The following CKAP5 variants were observed in gnomAD, a reference collection of about 807,000 sequenced individuals.
The protein encoded by CKAP5 is cytoskeleton-associated protein 5.
CKAP5 carries 27 observed loss-of-function variants against 232.8 expected under a neutral mutation model. The observed-to-expected ratio is 0.12, with a 90% confidence interval of 0.09 to 0.16. CKAP5 has a LOEUF of 0.16. Among genes scored for constraint, CKAP5 ranks in the 10% least tolerant of loss-of-function variants. The pLI is 1.00. For missense variants in CKAP5, 1,838 were observed against 2,424.7 expected, an observed-to-expected ratio of 0.76 and a Z score of 5.08; for synonymous variants, 785 against 841.1, an observed-to-expected ratio of 0.93 and a Z score of 1.16.
chr11:46,752,193 T>TATATATATATAC (rs1408030107), intron 38 of CKAP5, among the ~76,000 whole-genome samples: 25 of 66,548 alleles, frequency 3.8e-4, no homozygotes, highest in African/African-American at 1.1e-3. Context: ...TATATATATA[T>TATATATATATAC]ACACACACAC....
Position 46,790,470 on chromosome 11 carries a change from C to G in CKAP5, c.1764G>C (p.Ser588=). ...TCAGGCTCAGTGTGTTAATACTGAC[C>G]GAGAGCTCAGGCTCCACTATTTCTT... The part of the protein sequence containing the change: ...ETKEIVEPEL[S]IEVCEEKASA... The change falls in exon 14 of 44, where the codon TCG becomes TCC. Residue 588 remains serine, a splice_region_variant and synonymous_variant. Coordinates refer to ENST00000529230, the MANE Select transcript of CKAP5 (RefSeq NM_001008938.4). 1 of 1,606,074 alleles carries G rather than the reference C, an allele frequency of 6.2e-7. No individual in the cohort carries two copies. The highest frequency in any genetic ancestry group is 8.5e-7 in the Non-Finnish European group (1 of 1,173,094).
rs1478876980 is a variant in CKAP5 at position 46,760,791 on chromosome 11, A to G, written c.4222-7T>C. 3.1e-6 allele frequency: 5 copies of G among 1,610,826 alleles called. No homozygotes were observed. The South Asian group carries it at 4.4e-5, about 14-fold the overall frequency. Reference sequence around the variant, plus strand: ...TCATATCCTTTTCAGAAAGCTGTAAAGAGGCCAAATTTAGAAACCTAACTG... The same window carrying G: ...TCATATCCTTTTCAGAAAGCTGTAAGGAGGCCAAATTTAGAAACCTAACTG... On this transcript the variant is annotated splice_region_variant and splice_polypyrimidine_tract_variant and intron_variant, in intron 32 of 43. Transcript: ENST00000529230.
At chr11:46,845,709 G>T (rs1347630159) in intron 1 of CKAP5, among the ~76,000 whole-genome samples, 1 of 152,216 alleles carries the variant, frequency 6.6e-6, no homozygotes. Flanking sequence ...GATCGGAATC[G>T]TTCACATCGC....
intron 8 of CKAP5, among the ~76,000 whole-genome samples, chr11:46,805,057 T>C (rs1939123579): frequency 6.7e-6 from 1 of 150,068 alleles, no homozygotes; most frequent in African/African-American, 2.5e-5. Flanking sequence ...TGAAACCCTG[T>C]CTCTACTAAA....
At chr11:46,834,674 A>C (rs1939876449) in intron 1 of CKAP5, among the ~76,000 whole-genome samples, 1 of 152,128 alleles carries the variant, frequency 6.6e-6, no homozygotes. Context: ...TTCACTATTA[A>C]AAAATTATAT....
intron 37 of CKAP5, 163 bp downstream of exon 37, chr11:46,753,147 A>G: frequency 1.9e-6 from 1 of 526,776 alleles, no homozygotes; most frequent in Non-Finnish European, 3.3e-6. Context: ...TAAAGTTTTA[A>G]CTGATATAGT....
intron 8 of CKAP5, among the ~76,000 whole-genome samples, chr11:46,805,463 T>A (rs746084198): frequency 6.6e-6 from 1 of 152,108 alleles, no homozygotes; most frequent in African/African-American, 2.4e-5. Context: ...AAAGAAGAGA[T>A]AATTATAAGG....
intron 8 of CKAP5, among the ~76,000 whole-genome samples, chr11:46,804,011 T>C (rs1426436637): frequency 6.6e-5 from 10 of 152,194 alleles, no homozygotes; most frequent in African/African-American, 2.4e-4. Flanking sequence ...GGATGAAATT[T>C]GGACATCAGT....
At chr11:46,757,063 C>A (rs2134582024) in intron 35 of CKAP5, among the ~76,000 whole-genome samples, 1 of 151,968 alleles carries the variant, frequency 6.6e-6, no homozygotes, top group Non-Finnish European at 1.5e-5. Context: ...CAGCGCCCAG[C>A]TTTGACCTTG....
intron 1 of CKAP5, among the ~76,000 whole-genome samples, chr11:46,834,555 T>A (rs1939873913): frequency 6.8e-6 from 1 of 147,788 alleles, no homozygotes. Flanking sequence ...GAAGCCTAAG[T>A]CGGGTTACAG....
At chr11:46,794,032 T>C (rs561193948) in intron 13 of CKAP5, among the ~76,000 whole-genome samples, 14 of 152,176 alleles carry the variant, frequency 9.2e-5, no homozygotes, top group Admixed American at 2.0e-4. Context: ...ATTCAACAAA[T>C]GGTGCTGGGA....
chr11:46,782,051 C>A (rs570627011), intron 18 of CKAP5, among the ~76,000 whole-genome samples: 17 of 152,246 alleles, frequency 1.1e-4, no homozygotes, highest in Admixed American at 9.2e-4. Flanking sequence ...TCTCGAACTC[C>A]TGACCTCAGG....
chr11:46,765,316 G>A (rs554471861), intron 27 of CKAP5, 60 bp from the exon 28 acceptor site: 4 of 1,454,812 alleles, frequency 2.7e-6, no homozygotes, highest in Non-Finnish European at 3.7e-6. Flanking sequence ...AGAATATGAT[G>A]CTGCTGCCCA....
Position 46,760,567 on chromosome 11 carries a change from A to G in CKAP5, c.4394+45T>C. On this transcript the variant is annotated intron_variant, in intron 33 of 43. Transcript: ENST00000529230. ...AGGACAGGCTGTGAGCACACAAGGC[A>G]AAGGCCATGGAGATGCTCTCAGACA... The G allele has an allele frequency of 3.1e-6, 5 of 1,591,696 alleles. No individual in the cohort carries two copies. The South Asian group carries it at 4.5e-5, about 14-fold the overall frequency.
intron 1 of CKAP5, among the ~76,000 whole-genome samples, chr11:46,837,842 GGA>G (rs1454821476): frequency 8.6e-5 from 13 of 152,028 alleles, no homozygotes; most frequent in African/African-American, 2.9e-4. Flanking sequence ...CTAATAAATG[GGA>G]AAGGAGAGAC....
chr11:46,749,742 T>G (rs1373880923), intron 42 of CKAP5, among the ~76,000 whole-genome samples: 1 of 151,498 alleles, frequency 6.6e-6, no homozygotes, highest in Non-Finnish European at 1.5e-5. Flanking sequence ...TCACCTGAGG[T>G]CAGGAGTTCC....
intron 1 of CKAP5, among the ~76,000 whole-genome samples, chr11:46,824,002 C>T (rs148485277): frequency 5.6e-4 from 85 of 152,200 alleles, no homozygotes; most frequent in African/African-American, 1.9e-3. Flanking sequence ...TTTTTAAACA[C>T]GCTAATTCAC....
chr11:46,825,396 C>G (rs1361153932), intron 1 of CKAP5, among the ~76,000 whole-genome samples: 1 of 152,166 alleles, frequency 6.6e-6, no homozygotes, highest in African/African-American at 2.4e-5. Context: ...GTCTGTCTCT[C>G]TTCCCTACAA....
At chr11:46,835,558 G>A (rs1322615049) in intron 1 of CKAP5, among the ~76,000 whole-genome samples, 1 of 152,072 alleles carries the variant, frequency 6.6e-6, no homozygotes, top group Non-Finnish European at 1.5e-5. Flanking sequence ...AACAGTCAAA[G>A]CTGGAATTAT....
Sources: allele counts gnomAD v4.1 joint callset (sites outside exome capture counted in the v4.1 genomes callset), GRCh38; gene constraint gnomAD v4.1.1; transcripts MANE v1.5; gene names NCBI Gene and HGNC (gene_info 2026-07-23, HGNC 2026-07-21).